The following PLEKHM3 variants were observed in gnomAD, a reference collection of about 807,000 sequenced individuals.
PLEKHM3 encodes pleckstrin homology domain-containing family M member 3.
Under a neutral mutation model 81.8 loss-of-function variants are expected in PLEKHM3, and 45 were observed. That is an observed-to-expected ratio of 0.55 (90% CI 0.43 to 0.71). The LOEUF is 0.71. Ranked by LOEUF, PLEKHM3 falls within the 30% of genes least tolerant of loss-of-function variation. The probability of loss-of-function intolerance (pLI) is 0.00; values close to 1 mark genes in which losing one functional copy is unlikely to be tolerated. For missense variants in PLEKHM3, 788 were observed against 924.3 expected, an observed-to-expected ratio of 0.85 and a Z score of 1.91; for synonymous variants, 352 against 356.4, an observed-to-expected ratio of 0.99 and a Z score of 0.14.
intron 5 of PLEKHM3, among the ~76,000 whole-genome samples, chr2:207,926,378 G>C (rs1478153714): frequency 6.6e-6 from 1 of 152,158 alleles, no homozygotes; most frequent in East Asian, 1.9e-4. Context: ...GGCCAAATCT[G>C]GCCTTGAGGT....
chr2:207,958,825 G>A (rs1055224386), intron 3 of PLEKHM3, among the ~76,000 whole-genome samples: 16 of 152,126 alleles, frequency 1.1e-4, no homozygotes, highest in African/African-American at 3.4e-4. Context: ...CAGGAAAATC[G>A]TTTGAGCCCA....
chr2:207,970,461 T>G (rs1691080480), intron 3 of PLEKHM3, among the ~76,000 whole-genome samples: 1 of 152,168 alleles, frequency 6.6e-6, no homozygotes, highest in African/African-American at 2.4e-5. Context: ...TGTATTACTA[T>G]TTAATCACTT....
chr2:208,003,094 C>T (rs145220804), intron 1 of PLEKHM3, among the ~76,000 whole-genome samples: 10,035 of 152,118 alleles, frequency 0.066, 1,039 homozygotes, highest in African/African-American at 0.22. Flanking sequence ...GTAATCGAAT[C>T]GTGGGGGCAG....
At chr2:207,955,110 A>C (rs1690459121) in intron 3 of PLEKHM3, among the ~76,000 whole-genome samples, 1 of 152,134 alleles carries the variant, frequency 6.6e-6, no homozygotes, top group African/African-American at 2.4e-5. Flanking sequence ...TCTACCCCAA[A>C]AGTTGTAAGT....
At chr2:207,993,585 G>A (rs887909180) in intron 2 of PLEKHM3, among the ~76,000 whole-genome samples, 2 of 151,218 alleles carry the variant, frequency 1.3e-5, no homozygotes, top group African/African-American at 4.9e-5. Flanking sequence ...AAACTATACT[G>A]CCATGGTTTT....
intron 2 of PLEKHM3, among the ~76,000 whole-genome samples, chr2:207,984,674 C>T (rs1462389632): frequency 6.6e-6 from 1 of 152,194 alleles, no homozygotes; most frequent in African/African-American, 2.4e-5. Context: ...AGCCACTGCG[C>T]CTGGGCACAT....
intron 6 of PLEKHM3, among the ~76,000 whole-genome samples, chr2:207,863,049 G>C (rs2092475936): frequency 6.6e-6 from 1 of 152,186 alleles, no homozygotes; most frequent in African/African-American, 2.4e-5. Flanking sequence ...ATTTGCAAGG[G>C]AAAGGAGCTG....
intron 7 of PLEKHM3, among the ~76,000 whole-genome samples, chr2:207,846,113 C>T (rs1285758785): frequency 1.3e-5 from 2 of 152,122 alleles, no homozygotes; most frequent in South Asian, 2.1e-4. Context: ...GGAACGACAT[C>T]GAGACTTCTT....
intron 2 of PLEKHM3, among the ~76,000 whole-genome samples, chr2:207,991,180 C>T (rs2106069142): frequency 6.6e-6 from 1 of 152,322 alleles, no homozygotes; most frequent in South Asian, 2.1e-4. Context: ...CCTTTCAAAC[C>T]ATGCTTATTC....
chr2:207,832,237 C>A (rs1439153437), intron 7 of PLEKHM3, among the ~76,000 whole-genome samples: 5 of 152,124 alleles, frequency 3.3e-5, no homozygotes, highest in Non-Finnish European at 5.9e-5. Flanking sequence ...CAGCAGGTAT[C>A]TTTTAAACTG....
chr2:207,876,351 G>A (rs1371227517), intron 6 of PLEKHM3, among the ~76,000 whole-genome samples: 1 of 151,930 alleles, frequency 6.6e-6, no homozygotes, highest in East Asian at 1.9e-4. Flanking sequence ...ATCTGCATAT[G>A]CATATACATA....
intron 1 of PLEKHM3, among the ~76,000 whole-genome samples, chr2:208,025,165 C>T (rs534509843): frequency 6.0e-4 from 91 of 152,334 alleles, no homozygotes; most frequent in Non-Finnish European, 1.1e-3. Context: ...CTATTACATA[C>T]CTGATTCACA....
rs981045110 is a variant in PLEKHM3, at chr2:208,024,042, C to A, written c.-319+1347G>T. 4.6e-5 allele frequency among the ~76,000 whole-genome samples: 7 copies of A among 151,874 alleles called. No individual in the cohort carries two copies. The East Asian group carries it at 1.2e-3, about 25-fold the overall frequency. On this transcript the variant is annotated intron_variant, in intron 1 of 7. Coordinates refer to ENST00000427836, the MANE Select transcript of PLEKHM3 (RefSeq NM_001080475.3). Reference sequence around the variant, plus strand: ...CCTATGGTTCCAGCCACAAGGGAGGCTGAGGTGGAAGGATCGCTTGAGTCC... The same window carrying A: ...CCTATGGTTCCAGCCACAAGGGAGGATGAGGTGGAAGGATCGCTTGAGTCC...
At chr2:207,870,514 G>A (rs963190565) in intron 6 of PLEKHM3, among the ~76,000 whole-genome samples, 2 of 152,224 alleles carry the variant, frequency 1.3e-5, no homozygotes, top group Non-Finnish European at 2.9e-5. Flanking sequence ...CTGGCTTGAC[G>A]AAATGGAAGA....
intron 3 of PLEKHM3, among the ~76,000 whole-genome samples, chr2:207,948,546 GTT>G (rs34459307): frequency 0.36 from 44,807 of 125,498 alleles, 7,673 homozygotes; most frequent in Middle Eastern, 0.44. Context: ...TATTTTTTTT[GTT>G]TTTTTTTTTT....
At chr2:208,011,963 A>C (rs1692712966) in intron 1 of PLEKHM3, among the ~76,000 whole-genome samples, 2 of 151,182 alleles carry the variant, frequency 1.3e-5, no homozygotes, top group South Asian at 4.2e-4. Flanking sequence ...GGCCTGGCTA[A>C]TCTTTTGTAT....
intron 2 of PLEKHM3, among the ~76,000 whole-genome samples, chr2:207,991,703 T>C (rs1455515976): frequency 1.3e-5 from 2 of 152,092 alleles, no homozygotes; most frequent in Non-Finnish European, 2.9e-5. Flanking sequence ...GTTAGGAAAA[T>C]GTTTTTTAAA....
chr2:207,991,720 C>T (rs1691906187), intron 2 of PLEKHM3, among the ~76,000 whole-genome samples: 1 of 152,002 alleles, frequency 6.6e-6, no homozygotes, highest in Non-Finnish European at 1.5e-5. Flanking sequence ...TAAAATGATC[C>T]TTGGGGCAGC....
chr2:208,001,175 G>C lies in PLEKHM3; in HGVS notation c.465C>G (p.Thr155=), dbSNP rs567367091. Residue 155 remains threonine (T), a synonymous_variant, in exon 2 of 8, where the codon ACC becomes ACG. Transcript: ENST00000427836. The part of the protein sequence containing the change: ...PGHARSRSDI[T]QVDWRVVLKT... ...TGAGGACTACCCTCCAGTCCACTTG[G>C]GTAATATCTGATCGTGATCGAGCAT... is the stretch of plus-strand genomic sequence containing the variant. The C allele has an allele frequency of 2.5e-6, 4 of 1,614,040 alleles. No individual in the cohort carries two copies. In the South Asian group the frequency reaches 4.4e-5, roughly 18 times the overall value.
Sources: allele counts gnomAD v4.1 joint callset (sites outside exome capture counted in the v4.1 genomes callset), GRCh38; gene constraint gnomAD v4.1.1; transcripts MANE v1.5; gene names NCBI Gene and HGNC (gene_info 2026-07-23, HGNC 2026-07-21).